EIPR1: variants seen among roughly 807,000 people sequenced by gnomAD.
The protein encoded by EIPR1 is EARP and GARP complex-interacting protein 1.
A neutral mutation model predicts 48.1 loss-of-function variants in EIPR1; 25 were observed. The ratio of observed to expected loss-of-function variants is 0.52; its 90% CI spans 0.38 to 0.73. The LOEUF (loss-of-function observed/expected upper bound fraction) is 0.73. Among genes scored for constraint, EIPR1 ranks in the 30% least tolerant of loss-of-function variants. The probability of loss-of-function intolerance (pLI) is 0.00; values close to 1 mark genes in which losing one functional copy is unlikely to be tolerated. For missense variants in EIPR1, 415 were observed against 506.2 expected, an observed-to-expected ratio of 0.82 and a Z score of 1.73; for synonymous variants, 204 against 201.9, an observed-to-expected ratio of 1.01 and a Z score of -0.09.
rs150576461 is a variant in EIPR1, at chr2:3,323,030, A to G, written c.259+14987T>C. ...AATGCAAAAACATTAAAGTCTTCAT[A>G]ACCTCTGGCTCTTTCCGGAGATTCA... On this transcript the variant is annotated intron_variant, in intron 3 of 8. Coordinates refer to ENST00000382125, the MANE Select transcript of EIPR1 (RefSeq NM_003310.5). 1.1e-3 allele frequency among the ~76,000 whole-genome samples: 165 copies of G among 152,324 alleles called. 1 individual carries two copies. In the East Asian group the frequency reaches 0.021, roughly 19 times the overall value.
chr2:3,289,155 G>T (rs893289737), intron 3 of EIPR1, among the ~76,000 whole-genome samples: 10 of 152,168 alleles, frequency 6.6e-5, no homozygotes, highest in Non-Finnish European at 1.3e-4. Context: ...GCGAGGATTT[G>T]TTTCTGTATT....
chr2:3,321,688 TTTC>T (rs1669534999), intron 3 of EIPR1, among the ~76,000 whole-genome samples: 1 of 152,238 alleles, frequency 6.6e-6, no homozygotes, highest in African/African-American at 2.4e-5. Context: ...GTATCTTGAC[TTTC>T]TTGTTAATCT....
At chr2:3,232,517 TTAAGA>T (rs1203457870) in intron 4 of EIPR1, among the ~76,000 whole-genome samples, 1 of 152,240 alleles carries the variant, frequency 6.6e-6, no homozygotes. Flanking sequence ...TTCATTTGCC[TTAAGA>T]TATTTTTTGA....
At chr2:3,336,843 G>A (rs1670062800) in intron 3 of EIPR1, among the ~76,000 whole-genome samples, 1 of 117,120 alleles carries the variant, frequency 8.5e-6, no homozygotes, top group Non-Finnish European at 1.8e-5. Context: ...GAAGGGAAAG[G>A]AAGGGAAAAG....
intron 4 of EIPR1, among the ~76,000 whole-genome samples, chr2:3,254,730 T>C (rs576785574): frequency 6.6e-5 from 10 of 152,330 alleles, no homozygotes; most frequent in African/African-American, 2.4e-4. Flanking sequence ...GCTGTGGTTA[T>C]AAATATAACA....
At chr2:3,263,727 C>T (rs905712448) in intron 3 of EIPR1, among the ~76,000 whole-genome samples, 9 of 152,302 alleles carry the variant, frequency 5.9e-5, no homozygotes, top group South Asian at 2.1e-4. Context: ...GGACGCGGCA[C>T]GGTGCCGGAC....
At chr2:3,269,186 C>A (rs1345736556) in intron 3 of EIPR1, among the ~76,000 whole-genome samples, 1 of 152,232 alleles carries the variant, frequency 6.6e-6, no homozygotes, top group East Asian at 1.9e-4. Context: ...ACAGAAGCAG[C>A]AGCCACACTC....
At chr2:3,351,978 G>A (rs1241396772) in intron 2 of EIPR1, among the ~76,000 whole-genome samples, 1 of 148,572 alleles carries the variant, frequency 6.7e-6, no homozygotes, top group African/African-American at 2.5e-5. Context: ...CCTTTGATCA[G>A]CATATCCATG....
chr2:3,199,392 T>C (rs1664933241), intron 5 of EIPR1, among the ~76,000 whole-genome samples: 1 of 152,178 alleles, frequency 6.6e-6, no homozygotes, highest in Non-Finnish European at 1.5e-5. Context: ...GAGATTAAAG[T>C]AAAGACAGGC....
At chr2:3,301,863 C>T (rs753219088) in intron 3 of EIPR1, among the ~76,000 whole-genome samples, 11 of 152,120 alleles carry the variant, frequency 7.2e-5, no homozygotes, top group Non-Finnish European at 1.5e-4. Context: ...ATCAGGAACA[C>T]GTGGGAATAA....
In EIPR1 at chr2:3,211,677, G is replaced by A. The variant is rs187325177; in HGVS notation, c.516+2472C>T. Reference sequence around the variant, plus strand: ...TTCAAAGAGGTACTGTGTGTGTCACGCCAAGCAGATGGCTCTCTCTAGATG... The same window carrying A: ...TTCAAAGAGGTACTGTGTGTGTCACACCAAGCAGATGGCTCTCTCTAGATG... On this transcript the variant is annotated intron_variant, in intron 5 of 8. Coordinates refer to ENST00000382125, the MANE Select transcript of EIPR1 (RefSeq NM_003310.5). Among the ~76,000 whole-genome samples the A allele has an allele frequency of 1.2e-4, 19 of 152,286 alleles. No homozygotes were observed. In the East Asian group the frequency reaches 3.1e-3, roughly 25 times the overall value.
intron 3 of EIPR1, among the ~76,000 whole-genome samples, chr2:3,324,235 G>A (rs1267672094): frequency 6.6e-6 from 1 of 152,160 alleles, no homozygotes; most frequent in Admixed American, 6.5e-5. Flanking sequence ...CAGGTCCCCA[G>A]CCCCTGGAGC....
At chr2:3,351,146 G>A (rs1009599313) in intron 2 of EIPR1, among the ~76,000 whole-genome samples, 1 of 151,914 alleles carries the variant, frequency 6.6e-6, no homozygotes, top group Admixed American at 6.6e-5. Context: ...GATTACAGGT[G>A]CGTGCCACCA....
chr2:3,218,963 G>C (rs1433754114), intron 4 of EIPR1, among the ~76,000 whole-genome samples: 3 of 149,734 alleles, frequency 2.0e-5, no homozygotes, highest in Non-Finnish European at 4.4e-5. Flanking sequence ...CACCCAGCAG[G>C]GCCCTGGTAT....
intron 1 of EIPR1, among the ~76,000 whole-genome samples, chr2:3,365,739 C>T (rs1670956663): frequency 6.6e-6 from 1 of 150,966 alleles, no homozygotes; most frequent in Non-Finnish European, 1.5e-5. Context: ...ACATCTTGCA[C>T]CGCCCTTAAT....
intron 3 of EIPR1, among the ~76,000 whole-genome samples, chr2:3,333,786 T>TAGG (rs1201717656): frequency 6.6e-6 from 1 of 151,564 alleles, no homozygotes; most frequent in Non-Finnish European, 1.5e-5. Context: ...AAAAGGATTT[T>TAGG]AGGACATCTG....
intron 4 of EIPR1, among the ~76,000 whole-genome samples, chr2:3,246,321 T>G (rs1475892367): frequency 6.6e-6 from 1 of 152,160 alleles, no homozygotes; most frequent in Admixed American, 6.5e-5. Flanking sequence ...CATACTAAAC[T>G]AAAATGAGGA....
chr2:3,369,610 T>C (rs1671061269), intron 1 of EIPR1, among the ~76,000 whole-genome samples: 1 of 152,216 alleles, frequency 6.6e-6, no homozygotes, highest in Admixed American at 6.5e-5. Context: ...GAGGGTCCTA[T>C]GCCCACGGAG....
chr2:3,344,515 A>C (rs1670343763), intron 2 of EIPR1, among the ~76,000 whole-genome samples: 1 of 152,126 alleles, frequency 6.6e-6, no homozygotes, highest in South Asian at 2.1e-4. Flanking sequence ...GACCCTGGGC[A>C]AGTCACTAAC....
Sources: gnomAD v4.1 joint callset for allele counts (sites outside exome capture counted in the v4.1 genomes callset) on GRCh38, gnomAD v4.1.1 for gene constraint, MANE v1.5 for transcripts, NCBI Gene and HGNC (gene_info 2026-07-23, HGNC 2026-07-21) for gene names.